HK1: variants seen among roughly 807,000 people sequenced by gnomAD.
HK1 encodes hexokinase 1.
A neutral mutation model predicts 91.6 loss-of-function variants in HK1; 28 were observed. That is an observed-to-expected ratio of 0.31 (90% CI 0.23 to 0.42). The LOEUF (loss-of-function observed/expected upper bound fraction) is 0.42. HK1 is among the 10% of genes least tolerant of loss of function. The pLI is 1.00. For synonymous variants in HK1, 430 were observed against 468.1 expected (o/e 0.92, Z 1.05); for missense variants, 770 against 1,219.8 (o/e 0.63, Z 5.49).
intron 1 of HK1, among the ~76,000 whole-genome samples, chr10:69,328,727 C>G (rs977945558): frequency 8.5e-5 from 13 of 152,330 alleles, no homozygotes; most frequent in African/African-American, 1.2e-4. Flanking sequence ...GTTGTCCGAG[C>G]ACCATCACCA....
At chr10:69,273,497 T>C (rs1413936460) in intron 1 of HK1, among the ~76,000 whole-genome samples, 1 of 152,200 alleles carries the variant, frequency 6.6e-6, no homozygotes, top group Non-Finnish European at 1.5e-5. Flanking sequence ...ATTACAGGCA[T>C]GAGCCACCGC....
At chr10:69,340,908 A>C (rs1157027475) in intron 1 of HK1, among the ~76,000 whole-genome samples, 1 of 151,610 alleles carries the variant, frequency 6.6e-6, no homozygotes, top group African/African-American at 2.4e-5. Flanking sequence ...CATCACAAAA[A>C]CCACCCTCCC....
At chr10:69,340,039 G>A (rs1336048045) in intron 1 of HK1, among the ~76,000 whole-genome samples, 1 of 152,168 alleles carries the variant, frequency 6.6e-6, no homozygotes, top group African/African-American at 2.4e-5. Context: ...ATTATTCCAG[G>A]ATCCAGCATT....
rs770786306 is a variant in HK1, at chr10:69,369,222, G to A, written c.592-15G>A. On this transcript the variant is annotated splice_polypyrimidine_tract_variant and intron_variant, in intron 5 of 17. Coordinates refer to ENST00000359426, the MANE Select transcript of HK1 (RefSeq NM_000188.3). The surrounding 1 kb of genome is among the most constrained non-coding windows in gnomAD (Gnocchi z 4.4). ...ATGTGTGAGTGGACAATGACACCCC[G>A]TTATCTGTCCCCAGGACTATGATGC... The A allele has an allele frequency of 2.8e-5, 44 of 1,595,124 alleles. No homozygotes were observed. Among genetic ancestry groups the A allele is most frequent in the Middle Eastern group, 3.3e-4 (2 of 6,004 alleles).
At chr10:69,378,902 T>TA (rs986620988) in intron 8 of HK1, among the ~76,000 whole-genome samples, 2 of 152,230 alleles carry the variant, frequency 1.3e-5, no homozygotes, top group African/African-American at 4.8e-5. Flanking sequence ...AGAATTAAGA[T>TA]AAACAAAATT....
intron 17 of HK1, 38 bp downstream of exon 17, chr10:69,398,866 T>G: frequency 1.3e-6 from 2 of 1,512,850 alleles, no homozygotes; most frequent in Non-Finnish European, 1.8e-6. Flanking sequence ...CAGAGCTTGC[T>G]GGGATCCCTT....
At chr10:69,286,828 A>G (rs1845054694) in intron 2 of HK1, among the ~76,000 whole-genome samples, 1 of 152,190 alleles carries the variant, frequency 6.6e-6, no homozygotes, top group Admixed American at 6.5e-5. Context: ...GATTACAGGC[A>G]TGGGCCACCT....
intron 2 of HK1, among the ~76,000 whole-genome samples, chr10:69,344,816 G>T (rs978999034): frequency 6.7e-6 from 1 of 149,544 alleles, no homozygotes; most frequent in African/African-American, 2.5e-5. Flanking sequence ...CCAGCGTGGC[G>T]CCCTCACAGG....
intron 3 of HK1, among the ~76,000 whole-genome samples, chr10:69,289,324 T>A (rs1168528626): frequency 2.0e-5 from 3 of 152,066 alleles, no homozygotes; most frequent in Non-Finnish European, 4.4e-5. Flanking sequence ...GTTAATTGCT[T>A]TTTAGACAGT....
intron 11 of HK1, 108 bp from the exon 12 acceptor site, chr10:69,384,688 G>T: frequency 6.7e-7 from 1 of 1,489,734 alleles, no homozygotes. Flanking sequence ...CTGCATGTGT[G>T]TGGGGTGTGT....
intron 3 of HK1, among the ~76,000 whole-genome samples, chr10:69,362,759 G>A (rs1849499259): frequency 6.6e-6 from 1 of 152,186 alleles, no homozygotes; most frequent in Non-Finnish European, 1.5e-5. Context: ...TGGAGCCTCC[G>A]AGTGCAGATG....
At chr10:69,335,171 A>G (rs1847915956) in intron 1 of HK1, among the ~76,000 whole-genome samples, 1 of 151,942 alleles carries the variant, frequency 6.6e-6, no homozygotes, top group Non-Finnish European at 1.5e-5. Flanking sequence ...TGCCACCCAC[A>G]CTACTGAGGT....
At chr10:69,318,304 C>G (rs1308663963), upstream of HK1, 3 of 858,378 alleles carry the variant, frequency 3.5e-6, no homozygotes, top group East Asian at 3.6e-4. Flanking sequence ...GTAGCGTCCC[C>G]GGCTCCCGCT....
rs1427984603 is a variant in HK1, at chr10:69,384,855, C to G, written c.1779C>G (p.Gly593=). 3 of 1,613,854 alleles carry G rather than the reference C, an allele frequency of 1.9e-6. No individual in the cohort carries two copies. In the Admixed American group the frequency reaches 5.0e-5, roughly 27 times the overall value. The stretch of plus-strand genomic sequence containing the variant: ...TCTTGGACTACATGGGGATCAAAGG[C>G]CCCAGGATGCCTCTGGGCTTCACGT... ...SDFLDYMGIK[G]PRMPLGFTFS... The change falls in exon 12 of 18, where the codon GGC becomes GGG. Residue 593 remains glycine, a synonymous_variant. Transcript: ENST00000359426.
chr10:69,383,963 T>C (rs1449764138), intron 10 of HK1, among the ~76,000 whole-genome samples: 2 of 152,268 alleles, frequency 1.3e-5, no homozygotes, highest in Admixed American at 1.3e-4. Flanking sequence ...GCAGTCATGT[T>C]GCAAAGAAGG....
chr10:69,392,549 T>C (rs895453598), intron 15 of HK1, among the ~76,000 whole-genome samples: 33 of 152,196 alleles, frequency 2.2e-4, no homozygotes, highest in Non-Finnish European at 2.9e-5. Context: ...TGCCTGTGAC[T>C]GTTTTTTAGC....
chr10:69,354,023 G>A (rs538013061), intron 2 of HK1, among the ~76,000 whole-genome samples: 1 of 152,218 alleles, frequency 6.6e-6, no homozygotes, highest in South Asian at 2.1e-4. Flanking sequence ...GGGATATGAT[G>A]CTATCTCCAG....
chr10:69,340,265 G>A (rs1007433689), intron 1 of HK1, among the ~76,000 whole-genome samples: 4 of 152,164 alleles, frequency 2.6e-5, no homozygotes, highest in African/African-American at 9.7e-5. Context: ...AAAATTTTTT[G>A]AGATGGAGTC....
At chr10:69,386,455 G>A in intron 13 of HK1, 37 bp downstream of exon 13, 9 of 1,496,404 alleles carry the variant, frequency 6.0e-6, no homozygotes, top group Non-Finnish European at 8.4e-6. Flanking sequence ...AATCTTTACT[G>A]TTTTAGGGGC....
Sources: allele counts gnomAD v4.1 joint callset (sites outside exome capture counted in the v4.1 genomes callset), GRCh38; gene constraint gnomAD v4.1.1; non-coding constraint Gnocchi (gnomAD v3.1); transcripts MANE v1.5; gene names NCBI Gene and HGNC (gene_info 2026-07-23, HGNC 2026-07-21).